Variants in DPP10 observed in about 807,000 individuals in gnomAD.
DPP10 encodes inactive dipeptidyl peptidase 10.
DPP10 carries 33 observed loss-of-function variants against 120.9 expected under a neutral mutation model. The observed-to-expected ratio is 0.27, with a 90% CI of 0.21 to 0.37. DPP10 has a LOEUF of 0.37. DPP10 is among the 10% of genes least tolerant of loss of function. The pLI is 1.00. For missense variants in DPP10, 816 were observed against 942.8 expected (o/e 0.87, Z 1.76); for synonymous variants, 337 against 326.1 (o/e 1.03, Z -0.36).
chr2:114,792,068 A>T (rs945639064), intron 1 of DPP10, among the ~76,000 whole-genome samples: 4 of 152,164 alleles, frequency 2.6e-5, no homozygotes, highest in African/African-American at 9.7e-5. Context: ...GTTTCCTTGG[A>T]ATTTTAGAAA....
In DPP10 at chr2:115,151,510, T is replaced by C. The variant is rs999228669; in HGVS notation, c.61-157729T>C. Among the ~76,000 whole-genome samples, 3 of 151,076 alleles carry C rather than the reference T, an allele frequency of 2.0e-5. 1 individual carries two copies. The highest frequency in any genetic ancestry group is 7.3e-5 in the African/African-American group (3 of 41,122). ...GCAACCTCTGCCGCCTGGGTTCAAG[T>C]GATCCTCCTGCCTCAGCCTCCTGAG... is the stretch of plus-strand genomic sequence containing the variant. On this transcript the variant is annotated intron_variant, in intron 1 of 25. Coordinates refer to ENST00000410059, the MANE Select transcript of DPP10 (RefSeq NM_020868.6).
At chr2:115,835,642 C>T (rs1433021466) in intron 21 of DPP10, among the ~76,000 whole-genome samples, 1 of 152,012 alleles carries the variant, frequency 6.6e-6, no homozygotes, top group East Asian at 1.9e-4. Flanking sequence ...CTGAGTGCAG[C>T]CTTATTTTGG....
At chr2:115,200,411 T>C (rs2055615435) in intron 1 of DPP10, among the ~76,000 whole-genome samples, 1 of 151,894 alleles carries the variant, frequency 6.6e-6, no homozygotes, top group South Asian at 2.1e-4. Flanking sequence ...CCAAAGTCAT[T>C]AAGTAGCTAG....
chr2:114,528,962 C>A (rs916204155), intron 1 of DPP10, among the ~76,000 whole-genome samples: 2 of 152,074 alleles, frequency 1.3e-5, no homozygotes, highest in Non-Finnish European at 2.9e-5. Flanking sequence ...CAGATGTATT[C>A]TTTGTCCTCT....
intron 3 of DPP10, among the ~76,000 whole-genome samples, chr2:115,420,336 A>G (rs2069825466): frequency 6.6e-6 from 1 of 152,156 alleles, no homozygotes; most frequent in Non-Finnish European, 1.5e-5. Flanking sequence ...GTGTCTTACT[A>G]CTGGTATAAA....
At chr2:114,530,222 AGT>A (rs1190685962) in intron 1 of DPP10, among the ~76,000 whole-genome samples, 1 of 152,166 alleles carries the variant, frequency 6.6e-6, no homozygotes, top group East Asian at 1.9e-4. Context: ...AATAAGTTCC[AGT>A]GTGTGTGGAA....
At chr2:115,219,271 CGAAAAT>C (rs2057007379) in intron 1 of DPP10, among the ~76,000 whole-genome samples, 1 of 152,018 alleles carries the variant, frequency 6.6e-6, no homozygotes, top group Admixed American at 6.6e-5. Flanking sequence ...CCAAAATTCT[CGAAAAT>C]GAACAAAATT....
At chr2:114,817,524 G>T (rs2106344599) in intron 1 of DPP10, among the ~76,000 whole-genome samples, 1 of 152,296 alleles carries the variant, frequency 6.6e-6, no homozygotes, top group East Asian at 1.9e-4. Context: ...ATGCCTGAAG[G>T]AGGGGCCAGC....
rs144203448 is a variant in DPP10 at position 115,040,490 on chromosome 2, A to G, written c.61-268749A>G. On this transcript the variant is annotated intron_variant, in intron 1 of 25. Coordinates refer to ENST00000410059, the MANE Select transcript of DPP10 (RefSeq NM_020868.6). ...AATTTGGAGCACAAACCAAGAGGAAAGAAGAAGGACTTTACCCACAGCTGA... is the reference window on the plus strand; with the variant it reads ...AATTTGGAGCACAAACCAAGAGGAAGGAAGAAGGACTTTACCCACAGCTGA... Among the ~76,000 whole-genome samples, 221 of 152,060 alleles carry G rather than the reference A, an allele frequency of 1.5e-3. 1 individual carries two copies. The highest frequency in any genetic ancestry group is 0.014 in the Middle Eastern group (4 of 294).
intron 8 of DPP10, among the ~76,000 whole-genome samples, chr2:115,730,450 C>T (rs541130987): frequency 2.1e-4 from 32 of 152,206 alleles, no homozygotes; most frequent in African/African-American, 6.5e-4. Context: ...AGCAGCAATG[C>T]GGGCATTGAA....
intron 4 of DPP10, among the ~76,000 whole-genome samples, chr2:115,509,164 A>C (rs938169972): frequency 1.3e-5 from 2 of 152,162 alleles, no homozygotes; most frequent in African/African-American, 4.8e-5. Context: ...TGAGAAAGTA[A>C]GTTAAAATTG....
chr2:114,869,259 G>T (rs1690488423), intron 1 of DPP10, among the ~76,000 whole-genome samples: 1 of 151,950 alleles, frequency 6.6e-6, no homozygotes, highest in African/African-American at 2.4e-5. Flanking sequence ...ATGTTTATGA[G>T]CATATACGAT....
chr2:114,907,327 T>C (rs1694048898), intron 1 of DPP10, among the ~76,000 whole-genome samples: 1 of 152,180 alleles, frequency 6.6e-6, no homozygotes, highest in African/African-American at 2.4e-5. Flanking sequence ...TATTATTCCC[T>C]TCTTTATACT....
At chr2:115,753,389 A>C (rs1469297991) in intron 11 of DPP10, 92 bp downstream of exon 11, 1 of 1,260,758 alleles carries the variant, frequency 7.9e-7, no homozygotes, top group East Asian at 2.7e-5. Flanking sequence ...TACAAAAAAA[A>C]TTCAGTGTTT....
chr2:114,921,878 A>C (rs886950465), intron 1 of DPP10, among the ~76,000 whole-genome samples: 2 of 152,244 alleles, frequency 1.3e-5, no homozygotes, highest in African/African-American at 2.4e-5. Context: ...GCAAAGCAGC[A>C]GGTATATAAA....
rs1680554414 is a variant in DPP10 at position 114,764,586 on chromosome 2, T to A, written c.60+321748T>A. On this transcript the variant is annotated intron_variant, in intron 1 of 25. Transcript: ENST00000410059. ...TGATGAAAAGTTCTATTTAATTAAT[T>A]ATATTTGTCCCCATGAAGCCTAATA... Among the ~76,000 whole-genome samples the A allele has an allele frequency of 2.0e-5, 3 of 151,916 alleles. No individual in the cohort carries two copies. In the South Asian group the frequency reaches 6.2e-4, roughly 31 times the overall value.
intron 5 of DPP10, among the ~76,000 whole-genome samples, chr2:115,680,768 GATGCTAAATAGGGTAAAATGTTTACTAC>G (rs2090596235): frequency 6.6e-6 from 1 of 151,826 alleles, no homozygotes; most frequent in African/African-American, 2.4e-5. Flanking sequence ...TGAAAACACA[GATGCTAAATAGGGTAAAATGTTTACTAC>G]ATACATAAAA....
At chr2:115,716,894 C>T (rs1016074152) in intron 7 of DPP10, among the ~76,000 whole-genome samples, 1 of 152,196 alleles carries the variant, frequency 6.6e-6, no homozygotes, top group African/African-American at 2.4e-5. Context: ...ACTGGAAAAG[C>T]ATTAGGCACA....
intron 1 of DPP10, among the ~76,000 whole-genome samples, chr2:115,101,023 G>A (rs2048667455): frequency 6.6e-6 from 1 of 152,090 alleles, no homozygotes; most frequent in African/African-American, 2.4e-5. Context: ...CACATGCTGA[G>A]CCAACTCCCC....
Sources: allele counts gnomAD v4.1 joint callset (sites outside exome capture counted in the v4.1 genomes callset), GRCh38; gene constraint gnomAD v4.1.1; transcripts MANE v1.5; gene names NCBI Gene and HGNC (gene_info 2026-07-23, HGNC 2026-07-21).